Variants in KCNK10 observed in about 807,000 individuals in gnomAD.
KCNK10 encodes the protein potassium two pore domain channel subfamily K member 10, also known as potassium channel subfamily K member 10.
Under a neutral mutation model 47.7 loss-of-function variants are expected in KCNK10, and 25 were observed. That is an observed-to-expected ratio of 0.52 (90% CI 0.38 to 0.73). KCNK10 has a LOEUF of 0.73. Ranked by LOEUF, KCNK10 falls within the 30% of genes least tolerant of loss-of-function variation. The pLI, the probability that KCNK10 is intolerant of heterozygous loss-of-function variation, is 0.00. For missense variants in KCNK10, 563 were observed against 714.5 expected (o/e 0.79, Z 2.42); for synonymous variants, 303 against 285.6 (o/e 1.06, Z -0.61).
chr14:88,310,133 T>C (rs191655063), intron 1 of KCNK10, among the ~76,000 whole-genome samples: 8 of 37,864 alleles, frequency 2.1e-4, no homozygotes, highest in Admixed American at 3.6e-4. Flanking sequence ...GTTCTGGAGC[T>C]GATGTTTTAA....
intron 4 of KCNK10, among the ~76,000 whole-genome samples, chr14:88,209,952 C>A (rs1056011028): frequency 2.2e-4 from 33 of 152,166 alleles, no homozygotes. Context: ...TTTACTTGAG[C>A]AGAACAATCC....
chr14:88,223,508 G>A (rs1885886925), intron 4 of KCNK10, among the ~76,000 whole-genome samples: 1 of 152,034 alleles, frequency 6.6e-6, no homozygotes, highest in African/African-American at 2.4e-5. Context: ...GAGGTCCCTG[G>A]AACTGAGTGC....
chr14:88,228,141 T>TTC (rs2139873410), intron 3 of KCNK10, among the ~76,000 whole-genome samples: 1 of 78,290 alleles, frequency 1.3e-5, no homozygotes, highest in Non-Finnish European at 2.5e-5. Flanking sequence ...CCCCATCTGG[T>TTC]TTTTTTCTCT....
Position 88,240,557 on chromosome 14 carries a change from A to G in KCNK10, c.520+146T>C, listed in dbSNP as rs1886424958. 2.9e-5 allele frequency: 17 copies of G among 590,604 alleles called. No individual in the cohort carries two copies. In the South Asian group the frequency reaches 3.3e-4, roughly 12 times the overall value. The allele number at this position is 590,604 out of a possible 1,614,324, so 36.6% of individuals were successfully genotyped here. On this transcript the variant is annotated intron_variant, in intron 3 of 6. Transcript: ENST00000319231. Reference sequence around the variant, plus strand: ...TTGGCTTTTGTTGAAAGCCACCACAATGACTGCATTAATTTAAACGACAGT... The same window carrying G: ...TTGGCTTTTGTTGAAAGCCACCACAGTGACTGCATTAATTTAAACGACAGT...
rs114671048 is a variant in KCNK10, at chr14:88,265,462, C to T, written c.53-1911G>A. Reference sequence around the variant, plus strand: ...GGAAGGATCCTCCCCTAGAGCCTCCCGAAGGAACCTGTACTGCTTACTCTT... The same window carrying T: ...GGAAGGATCCTCCCCTAGAGCCTCCTGAAGGAACCTGTACTGCTTACTCTT... On this transcript the variant is annotated intron_variant, in intron 1 of 6. Transcript: ENST00000319231. Among the ~76,000 whole-genome samples, 263 of 152,228 alleles carry T rather than the reference C, an allele frequency of 1.7e-3. 1 individual carries two copies. Among genetic ancestry groups the T allele is most frequent in the African/African-American group, 5.6e-3 (232 of 41,528 alleles).
intron 3 of KCNK10, among the ~76,000 whole-genome samples, chr14:88,239,677 G>A (rs571617918): frequency 7.4e-4 from 113 of 152,144 alleles, no homozygotes; most frequent in African/African-American, 2.6e-3. Flanking sequence ...TGGCCAATGT[G>A]GTGAAACCCC....
At chr14:88,256,524 T>TA (rs1206937445) in intron 2 of KCNK10, among the ~76,000 whole-genome samples, 1 of 151,784 alleles carries the variant, frequency 6.6e-6, no homozygotes, top group African/African-American at 2.4e-5. Flanking sequence ...ATGCCCACAG[T>TA]AAACCCTCTC....
At chr14:88,235,071 C>A in intron 3 of KCNK10, 1 of 456,386 alleles carries the variant, frequency 2.2e-6, no homozygotes, top group South Asian at 1.5e-5. Flanking sequence ...GCAGCAGAAG[C>A]CACCCTGAAC....
chr14:88,196,896 C>T (rs1595074436), intron 4 of KCNK10, among the ~76,000 whole-genome samples: 1 of 152,216 alleles, frequency 6.6e-6, no homozygotes, highest in Non-Finnish European at 1.5e-5. Flanking sequence ...CTAATAATTT[C>T]ATCATCACAA....
chr14:88,251,935 TTTG>T (rs1886810926), intron 2 of KCNK10, among the ~76,000 whole-genome samples: 1 of 152,224 alleles, frequency 6.6e-6, no homozygotes, highest in African/African-American at 2.4e-5. Flanking sequence ...AGTTCTCCTA[TTTG>T]GGTGTCCCAT....
intron 2 of KCNK10, among the ~76,000 whole-genome samples, chr14:88,261,681 G>A (rs546711536): frequency 7.2e-5 from 11 of 151,780 alleles, no homozygotes; most frequent in Middle Eastern, 3.4e-3. Flanking sequence ...CTGATACCTC[G>A]ATCAGGAAGT....
intron 3 of KCNK10, among the ~76,000 whole-genome samples, chr14:88,239,523 C>T (rs1027020477): frequency 2.0e-5 from 3 of 152,104 alleles, no homozygotes; most frequent in Non-Finnish European, 2.9e-5. Flanking sequence ...TGCTGGTTAA[C>T]GAATAGAACA....
intron 1 of KCNK10, among the ~76,000 whole-genome samples, chr14:88,303,802 G>A (rs1317016094): frequency 6.6e-6 from 1 of 152,088 alleles, no homozygotes; most frequent in African/African-American, 2.4e-5. Flanking sequence ...TATCAATGAT[G>A]TATGAGGTGT....
chr14:88,190,502 C>T (rs1220496586), intron 5 of KCNK10, among the ~76,000 whole-genome samples: 1 of 152,120 alleles, frequency 6.6e-6, no homozygotes, highest in Admixed American at 6.5e-5. Flanking sequence ...AGTCTCTCTT[C>T]GGAGCTTGAG....
At chr14:88,255,666 A>G (rs866992021) in intron 2 of KCNK10, among the ~76,000 whole-genome samples, 2 of 152,056 alleles carry the variant, frequency 1.3e-5, no homozygotes, top group Admixed American at 1.3e-4. Context: ...CACCGAAGAG[A>G]GGCAGGGGAG....
At chr14:88,188,241 A>C in intron 5 of KCNK10, 132 bp from the exon 6 acceptor site, 1 of 1,152,132 alleles carries the variant, frequency 8.7e-7, no homozygotes, top group Non-Finnish European at 1.3e-6. Context: ...TGCTGTGTAC[A>C]AGGTGGACCG....
chr14:88,215,742 AAG>A (rs745540865), intron 4 of KCNK10, among the ~76,000 whole-genome samples: 5 of 151,282 alleles, frequency 3.3e-5, no homozygotes, highest in Non-Finnish European at 4.4e-5. Flanking sequence ...CCGGGGGGAA[AAG>A]AGAGAGAGAG....
intron 5 of KCNK10, among the ~76,000 whole-genome samples, chr14:88,188,492 T>C (rs1884644803): frequency 6.6e-6 from 1 of 152,168 alleles, no homozygotes; most frequent in Non-Finnish European, 1.5e-5. Context: ...TTAATAAAAA[T>C]CAAATATAAT....
rs1355387023 is a variant in KCNK10, at chr14:88,240,777, T to C, written c.446A>G (p.Asn149Ser). ...ADNAGVSPIGNSSNNSSHWDL... is the reference protein window; with the variant it reads ...ADNAGVSPIGSSSNNSSHWDL... ...CCAGTGGCTGCTGTTGTTGGAAGAG[T>C]TTCCTATTGGACTGACTCCCGCATT... Residue 149 changes from asparagine to serine, a missense_variant, in exon 3 of 7, where the codon AAC becomes AGC. Asn to Ser is a conservative substitution (Grantham distance 46). Transcript: ENST00000319231. 1.2e-6 allele frequency: 2 copies of C among 1,613,422 alleles called. No homozygotes were observed. The highest frequency in any genetic ancestry group is 1.3e-5 in the African/African-American group (1 of 74,798).
Sources: allele counts gnomAD v4.1 joint callset (sites outside exome capture counted in the v4.1 genomes callset), GRCh38; gene constraint gnomAD v4.1.1; transcripts MANE v1.5; gene names NCBI Gene and HGNC (gene_info 2026-07-23, HGNC 2026-07-21).